TRIP4: variants seen among roughly 807,000 people sequenced by gnomAD.
The protein encoded by TRIP4 is thyroid hormone receptor interactor 4.
TRIP4 carries 54 observed loss-of-function variants against 81.8 expected under a neutral mutation model. The ratio of observed to expected loss-of-function variants is 0.66; its 90% CI spans 0.53 to 0.83. TRIP4 has a LOEUF of 0.83. TRIP4 is among the 40% of genes least tolerant of loss of function. TRIP4 has a pLI of 0.00. For synonymous variants in TRIP4, 270 were observed against 242.8 expected (o/e 1.11, Z -1.04); for missense variants, 662 against 683.6 (o/e 0.97, Z 0.35).
intron 11 of TRIP4, among the ~76,000 whole-genome samples, chr15:64,435,381 C>T (rs1236118718): frequency 6.6e-6 from 1 of 151,408 alleles, no homozygotes; most frequent in Non-Finnish European, 1.5e-5. Flanking sequence ...AAAAAATCTG[C>T]CGGGCGTGGT....
chr15:64,391,579 A>T (rs1223651975), intron 1 of TRIP4, among the ~76,000 whole-genome samples: 1 of 152,198 alleles, frequency 6.6e-6, no homozygotes, highest in Non-Finnish European at 1.5e-5. Context: ...TATATAACAT[A>T]TTTGGATGAA....
intron 5 of TRIP4, among the ~76,000 whole-genome samples, chr15:64,401,524 G>A (rs948395794): frequency 6.6e-6 from 1 of 151,990 alleles, no homozygotes; most frequent in Non-Finnish European, 1.5e-5. Context: ...TGCCTGCCTC[G>A]GCCTCCCAAA....
intron 12 of TRIP4, among the ~76,000 whole-genome samples, chr15:64,446,541 A>C (rs1363485963): frequency 6.7e-6 from 1 of 149,566 alleles, no homozygotes; most frequent in Non-Finnish European, 1.5e-5. Context: ...AGTAGCTGGG[A>C]CTACAGGCAT....
At position 64,395,477 on chromosome 15, in the gene TRIP4, A is replaced by G. The variant is rs1329146681; in HGVS notation, c.351A>G (p.Ala117=). The G allele has an allele frequency of 1.2e-6, 2 of 1,613,938 alleles. No individual in the cohort carries two copies. The highest frequency in any genetic ancestry group is 1.7e-5 in the Admixed American group (1 of 59,974). The part of the protein sequence containing the change: ...KKGRNRQEVP[A]FTEPDTTAEV... ...GGAGAAACAGACAGGAAGTTCCTGC[A>G]TTTACTGAACCTGACACGACTGCAG... Residue 117 remains alanine, a synonymous_variant, in exon 3 of 13, where the codon GCA becomes GCG. Transcript: ENST00000261884.
chr15:64,423,883 T>G, intron 9 of TRIP4, 148 bp from the exon 10 acceptor site: 1 of 883,470 alleles, frequency 1.1e-6, no homozygotes, highest in East Asian at 2.5e-5. Context: ...GAAAAGTGTT[T>G]TTGACAAAAG....
chr15:64,395,672 A>G, intron 3 of TRIP4, 141 bp downstream of exon 3: 1 of 913,610 alleles, frequency 1.1e-6, no homozygotes, highest in Admixed American at 2.7e-5. Context: ...AAAAAGTTAC[A>G]TATACTCCTT....
chr15:64,440,590 C>T (rs920873555), intron 11 of TRIP4, among the ~76,000 whole-genome samples: 5 of 152,040 alleles, frequency 3.3e-5, no homozygotes, highest in Admixed American at 6.6e-5. Flanking sequence ...TTGCTTTTCA[C>T]CTCTGTTTCT....
intron 8 of TRIP4, among the ~76,000 whole-genome samples, chr15:64,416,870 T>C (rs1891900082): frequency 6.6e-6 from 1 of 152,212 alleles, no homozygotes; most frequent in African/African-American, 2.4e-5. Flanking sequence ...ATCATAAAAT[T>C]GTATGGCAGA....
chr15:64,414,674 G>T (rs1053083769), intron 8 of TRIP4, among the ~76,000 whole-genome samples: 1 of 151,238 alleles, frequency 6.6e-6, no homozygotes, highest in Non-Finnish European at 1.5e-5. Context: ...CCGCTACCAC[G>T]CCCAGCGAAT....
chr15:64,438,127 C>G (rs1892442389), intron 11 of TRIP4, among the ~76,000 whole-genome samples: 1 of 152,134 alleles, frequency 6.6e-6, no homozygotes, highest in African/African-American at 2.4e-5. Flanking sequence ...AATGACCTTA[C>G]CTTGATATGT....
intron 11 of TRIP4, among the ~76,000 whole-genome samples, chr15:64,428,090 T>C (rs1892189302): frequency 6.6e-6 from 1 of 152,218 alleles, no homozygotes; most frequent in Non-Finnish European, 1.5e-5. Flanking sequence ...CTGGGATATG[T>C]ATTTGCGTTC....
At chr15:64,438,164 C>T (rs997265234) in intron 11 of TRIP4, among the ~76,000 whole-genome samples, 21 of 152,174 alleles carry the variant, frequency 1.4e-4, no homozygotes, top group African/African-American at 4.6e-4. Flanking sequence ...TCTCTCAGAG[C>T]ACTGCCTCAG....
chr15:64,450,393 G>GAAAAAAA (rs1005400086), intron 12 of TRIP4, among the ~76,000 whole-genome samples: 11 of 46,764 alleles, frequency 2.4e-4, no homozygotes, highest in East Asian at 5.8e-4. Flanking sequence ...CGTCTCAAAA[G>GAAAAAAA]AAAAAAAAAA....
chr15:64,442,976 G>T (rs1226226173), intron 11 of TRIP4, among the ~76,000 whole-genome samples: 1 of 149,560 alleles, frequency 6.7e-6, no homozygotes, highest in Non-Finnish European at 1.5e-5. Context: ...GGGTAACAGG[G>T]TAAGACTCCA....
chr15:64,409,544 C>G (rs1891713139), intron 6 of TRIP4, 69 bp from the exon 7 acceptor site: 25 of 1,451,604 alleles, frequency 1.7e-5, no homozygotes, highest in Non-Finnish European at 2.4e-5. Context: ...TACCTTGAAA[C>G]TGTTTTCCAA....
chr15:64,392,238 C>T (rs1293218722), intron 1 of TRIP4, among the ~76,000 whole-genome samples: 1 of 151,964 alleles, frequency 6.6e-6, no homozygotes, highest in South Asian at 2.1e-4. Context: ...ATGGAGTTTG[C>T]AGTGAGCTGA....
intron 1 of TRIP4, 40 bp downstream of exon 1, chr15:64,388,004 G>A (rs1426863677): frequency 2.6e-6 from 4 of 1,521,022 alleles, no homozygotes; most frequent in Non-Finnish European, 2.7e-6. Flanking sequence ...GGAGCTCTGG[G>A]ATGTGCACTG....
intron 1 of TRIP4, 185 bp from the exon 2 acceptor site, chr15:64,393,761 A>G (rs527899793): frequency 6.2e-5 from 26 of 418,854 alleles, no homozygotes; most frequent in African/African-American, 5.3e-4. Flanking sequence ...ACATAAGTGT[A>G]TGTATGTATA....
intron 9 of TRIP4, among the ~76,000 whole-genome samples, chr15:64,419,790 C>A (rs1003489586): frequency 6.6e-6 from 1 of 151,930 alleles, no homozygotes; most frequent in Non-Finnish European, 1.5e-5. Context: ...ACCAAGAAAC[C>A]GCTGTTATTA....
Sources: gnomAD v4.1 joint callset for allele counts (sites outside exome capture counted in the v4.1 genomes callset) on GRCh38, gnomAD v4.1.1 for gene constraint, MANE v1.5 for transcripts, NCBI Gene and HGNC (gene_info 2026-07-23, HGNC 2026-07-21) for gene names.